Variants in CHD6 observed in about 807,000 individuals in gnomAD.
CHD6 encodes the protein chromodomain helicase DNA binding protein 6.
A neutral mutation model predicts 276.9 loss-of-function variants in CHD6; 50 were observed. The ratio of observed to expected loss-of-function variants is 0.18; its 90% confidence interval spans 0.14 to 0.23. The LOEUF is 0.23. Ranked by LOEUF, CHD6 falls within the 10% of genes least tolerant of loss-of-function variation. The pLI is 1.00. For missense variants in CHD6, 2,564 were observed against 3,365.8 expected (o/e 0.76, Z 5.89); for synonymous variants, 1,173 against 1,229.3 (o/e 0.95, Z 0.96).
At chr20:41,548,716 A>C (rs1227163047) in intron 2 of CHD6, among the ~76,000 whole-genome samples, 2 of 152,128 alleles carry the variant, frequency 1.3e-5, no homozygotes, top group African/African-American at 4.8e-5. Flanking sequence ...CAACCTACAA[A>C]ATGGGAGAAA....
At chr20:41,573,525 A>G (rs1386904384) in intron 1 of CHD6, among the ~76,000 whole-genome samples, 1 of 152,244 alleles carries the variant, frequency 6.6e-6, no homozygotes, top group East Asian at 1.9e-4. Flanking sequence ...ATCCAGACCA[A>G]GTGACAAAGA....
At chr20:41,598,349 T>C (rs1211113009) in intron 1 of CHD6, among the ~76,000 whole-genome samples, 1 of 152,148 alleles carries the variant, frequency 6.6e-6, no homozygotes, top group Non-Finnish European at 1.5e-5. Flanking sequence ...AAGTAGCCAC[T>C]GTAGAAGTTA....
At chr20:41,441,351 G>A (rs1440764285) in intron 25 of CHD6, among the ~76,000 whole-genome samples, 1 of 152,130 alleles carries the variant, frequency 6.6e-6, no homozygotes, top group African/African-American at 2.4e-5. Context: ...GTAGGAAGAA[G>A]AACCACTCTC....
At chr20:41,417,469 T>C in intron 31 of CHD6, 120 bp from the exon 32 acceptor site, 1 of 814,352 alleles carries the variant, frequency 1.2e-6, no homozygotes, top group Non-Finnish European at 1.8e-6. Context: ...TCTGTGCTAT[T>C]TTAAATGGAA....
At chr20:41,489,363 AT>A (rs2043494372) in intron 12 of CHD6, among the ~76,000 whole-genome samples, 1 of 147,784 alleles carries the variant, frequency 6.8e-6, no homozygotes, top group South Asian at 2.1e-4. Context: ...TTTGAAACCT[AT>A]TTTCTCTTTA....
Position 41,604,733 on chromosome 20 carries a change from T to G in CHD6, c.-24+13607A>C, listed in dbSNP as rs369794576. Among the ~76,000 whole-genome samples the G allele has an allele frequency of 1.5e-3, 232 of 152,270 alleles. 1 individual carries two copies. In the Middle Eastern group the frequency reaches 0.02, roughly 13 times the overall value. On this transcript the variant is annotated intron_variant, in intron 1 of 36. Coordinates refer to ENST00000373233, the MANE Select transcript of CHD6 (RefSeq NM_032221.5). ...TCTAAGAAGACCAATTCCCCACCTG[T>G]GGCGGGGAGCACAGAAAGAGGTAAG...
chr20:41,586,606 CA>C (rs753474854), intron 1 of CHD6, among the ~76,000 whole-genome samples: 69 of 152,292 alleles, frequency 4.5e-4, no homozygotes, highest in Non-Finnish European at 8.5e-4. Flanking sequence ...GCTCTAAGAA[CA>C]AAGACCTGCT....
At chr20:41,471,199 G>A (rs759181523) in intron 17 of CHD6, among the ~76,000 whole-genome samples, 1 of 152,216 alleles carries the variant, frequency 6.6e-6, no homozygotes, top group African/African-American at 2.4e-5. Flanking sequence ...ACTTACAAAC[G>A]GGTGTGATTA....
At position 41,411,161 on chromosome 20, in the gene CHD6, G is replaced by T. The variant is rs150461332; in HGVS notation, c.7251+983C>A. Among the ~76,000 whole-genome samples the T allele has an allele frequency of 3.1e-3, 473 of 152,264 alleles. 19 individuals are homozygous for T. In the East Asian group the frequency reaches 0.081, roughly 26 times the overall value. ...CCCCAAAGGGGCTGTGGTAGCAGAT[G>T]GAGATGAGCAACGGCCACTGGTGGA... On this transcript the variant is annotated intron_variant, in intron 36 of 36. Transcript: ENST00000373233.
Position 41,425,216 on chromosome 20 carries a change from G to A in CHD6, c.4308C>T (p.Thr1436=), listed in dbSNP as rs746280934. 1 of 1,614,192 alleles carries A rather than the reference G, an allele frequency of 6.2e-7. No homozygotes were observed. Among genetic ancestry groups the A allele is most frequent in the South Asian group, 1.1e-5 (1 of 91,084 alleles). The change falls in exon 29 of 37, where the codon ACC becomes ACT. Residue 1436 remains threonine (T), a synonymous_variant. Transcript: ENST00000373233. ...CCTTGTTGATGAGGTCCATTTCTGA[G>A]GTTCTCCTGAACATCTCTTCCTGAA... ...YWVQEEMFRR[T]SEMDLINKEA... is the part of the protein sequence containing the mutation.
At chr20:41,601,565 T>C (rs917340445) in intron 1 of CHD6, among the ~76,000 whole-genome samples, 1 of 152,224 alleles carries the variant, frequency 6.6e-6, no homozygotes, top group African/African-American at 2.4e-5. Context: ...AGGAAAGGTA[T>C]GCTCCTGAAG....
intron 12 of CHD6, among the ~76,000 whole-genome samples, chr20:41,489,557 G>T (rs1387503247): frequency 6.6e-6 from 1 of 152,102 alleles, no homozygotes; most frequent in Admixed American, 6.5e-5. Flanking sequence ...TCCTAAAAAA[G>T]GTATATCTCA....
chr20:41,489,279 C>T (rs2043492881), intron 12 of CHD6, among the ~76,000 whole-genome samples: 1 of 152,108 alleles, frequency 6.6e-6, no homozygotes, highest in Non-Finnish European at 1.5e-5. Context: ...GCAGGACAAA[C>T]ACACAACTAT....
chr20:41,412,743 G>A (rs569112717), intron 35 of CHD6, among the ~76,000 whole-genome samples: 1 of 152,064 alleles, frequency 6.6e-6, no homozygotes, highest in Non-Finnish European at 1.5e-5. Context: ...AGTGAGAAGA[G>A]AAAAACCAAA....
chr20:41,480,776 G>C (rs1465040328), intron 16 of CHD6, among the ~76,000 whole-genome samples: 1 of 152,176 alleles, frequency 6.6e-6, no homozygotes, highest in African/African-American at 2.4e-5. Flanking sequence ...CTGGGGGAAG[G>C]TAGAGAGTGA....
Position 41,497,369 on chromosome 20 carries a change from T to A in CHD6, c.1092+15A>T. The A allele has an allele frequency of 6.6e-7, 1 of 1,519,530 alleles. No homozygotes were observed. The highest frequency in any genetic ancestry group is 1.1e-5 in the South Asian group (1 of 89,214). The allele number at this position is 1,519,530 out of a possible 1,614,324, so 94.1% of individuals were successfully genotyped here. On this transcript the variant is annotated intron_variant, in intron 8 of 36. Coordinates refer to ENST00000373233, the MANE Select transcript of CHD6 (RefSeq NM_032221.5). ...GAAAAGCAGCAGTCAAATGAGTCAG[T>A]AAATATTGCTTCACCTCCGTAAAAA...
intron 19 of CHD6, among the ~76,000 whole-genome samples, chr20:41,455,521 T>C (rs926701807): frequency 6.6e-6 from 1 of 152,206 alleles, no homozygotes; most frequent in African/African-American, 2.4e-5. Context: ...AGAGCAGTCC[T>C]TGCAAACAGA....
At position 41,455,965 on chromosome 20, in the gene CHD6, T is replaced by C. The variant is rs767740146; in HGVS notation, c.2844A>G (p.Ser948=). 2 of 1,578,282 alleles carry C rather than the reference T, an allele frequency of 1.3e-6. No individual in the cohort carries two copies. The highest frequency in any genetic ancestry group is 1.7e-6 in the Non-Finnish European group (2 of 1,163,538). ...GGAGTAGGTCCTCCACCTCCATTTTTGAGAGCTGCTGTACCTGGACAGGTC... is the reference window on the plus strand; with the variant it reads ...GGAGTAGGTCCTCCACCTCCATTTTCGAGAGCTGCTGTACCTGGACAGGTC... The part of the protein sequence containing the change: ...KGGTNGVQQL[S]KMEVEDLLRK... Residue 948 remains serine, a synonymous_variant, in exon 19 of 37, where the codon TCA becomes TCG. Coordinates refer to ENST00000373233, the MANE Select transcript of CHD6 (RefSeq NM_032221.5).
chr20:41,504,426 T>TTTTG (rs2043926591), intron 5 of CHD6, among the ~76,000 whole-genome samples: 1 of 132,662 alleles, frequency 7.5e-6, no homozygotes, highest in African/African-American at 2.8e-5. Flanking sequence ...TTTTTTTTTT[T>TTTTG]AGACAGGATC....
Sources: allele counts gnomAD v4.1 joint callset (sites outside exome capture counted in the v4.1 genomes callset), GRCh38; gene constraint gnomAD v4.1.1; transcripts MANE v1.5; gene names NCBI Gene and HGNC (gene_info 2026-07-23, HGNC 2026-07-21).